USH2A: variants seen among roughly 807,000 people sequenced by gnomAD.
USH2A encodes the protein Usher syndrome 2A (autosomal recessive, mild).
In USH2A, 443 loss-of-function variants were observed where a neutral mutation model predicts 538.9. The ratio of observed to expected loss-of-function variants is 0.82; its 90% CI spans 0.76 to 0.89. USH2A has a LOEUF of 0.89. Ranked by LOEUF, USH2A falls within the 40% of genes least tolerant of loss-of-function variation. The pLI, the probability that USH2A is intolerant of heterozygous loss-of-function variation, is 0.00. For missense variants in USH2A, 6,633 were observed against 6,324.8 expected, an observed-to-expected ratio of 1.05 and a Z score of -1.65; for synonymous variants, 2,413 against 2,273.5, an observed-to-expected ratio of 1.06 and a Z score of -1.75.
At chr1:216,147,743 A>T (rs1328232655) in intron 21 of USH2A, among the ~76,000 whole-genome samples, 1 of 150,944 alleles carries the variant, frequency 6.6e-6, no homozygotes, top group Non-Finnish European at 1.5e-5. Flanking sequence ...CCACATCTCC[A>T]GCACACAAGA....
intron 46 of USH2A, 45 bp from the exon 47 acceptor site, chr1:215,838,148 A>C: frequency 6.9e-7 from 1 of 1,442,954 alleles, no homozygotes; most frequent in East Asian, 2.3e-5. Context: ...CATTTTTGAA[A>C]TACTTACTAA....
chr1:216,119,630 TA>T (rs1558268211), intron 21 of USH2A, among the ~76,000 whole-genome samples: 4 of 152,270 alleles, frequency 2.6e-5, no homozygotes, highest in Admixed American at 2.0e-4. Flanking sequence ...TATATTTTTT[TA>T]TTTTTTTCCA....
At chr1:215,633,446 G>A (rs1455333489) in intron 70 of USH2A, among the ~76,000 whole-genome samples, 1 of 152,172 alleles carries the variant, frequency 6.6e-6, no homozygotes, top group African/African-American at 2.4e-5. Context: ...ACTTAGGTCT[G>A]ATCCAGCTAT....
At chr1:216,132,795 G>T (rs1420296028) in intron 21 of USH2A, among the ~76,000 whole-genome samples, 1 of 152,012 alleles carries the variant, frequency 6.6e-6, no homozygotes, top group African/African-American at 2.4e-5. Context: ...CCTCTCTGGG[G>T]ACACATGACA....
At chr1:215,986,474 G>A (rs1053829587) in intron 35 of USH2A, among the ~76,000 whole-genome samples, 1 of 151,980 alleles carries the variant, frequency 6.6e-6, no homozygotes, top group Non-Finnish European at 1.5e-5. Context: ...TTATGCCCAT[G>A]TGGTTATTAA....
chr1:215,686,377 T>A (rs991004423), intron 61 of USH2A, among the ~76,000 whole-genome samples: 1 of 151,894 alleles, frequency 6.6e-6, no homozygotes, highest in Non-Finnish European at 1.5e-5. Context: ...TCAGGAAAGA[T>A]GTAGAATTTG....
chr1:216,075,522 C>T (rs1464592116), intron 27 of USH2A, among the ~76,000 whole-genome samples: 3 of 152,192 alleles, frequency 2.0e-5, no homozygotes, highest in Non-Finnish European at 4.4e-5. Context: ...GCCCAGAGCT[C>T]TAAGATGACT....
rs2037674436 is a variant in USH2A, at chr1:216,324,051, C to G, written c.1328+117G>C. ...ATTTAGGGATAAGACTTAGGAGAAT[C>G]TGCCTCAAGGAAGTTGGTGGTGAAG... On this transcript the variant is annotated intron_variant, in intron 7 of 71. Transcript: ENST00000307340. 51 of 1,136,008 alleles carry G rather than the reference C, an allele frequency of 4.5e-5. 1 individual carries two copies. The highest frequency in any genetic ancestry group is 6.4e-5 in the Non-Finnish European group (51 of 802,090). The allele number at this position is 1,136,008 out of a possible 1,614,324, so 70.4% of individuals were successfully genotyped here.
Position 215,836,561 on chromosome 1 carries a change from A to AT in USH2A, c.9371+1429dup, listed in dbSNP as rs1447368873. 1.8e-3 allele frequency among the ~76,000 whole-genome samples: 39 copies of AT among 21,926 alleles called. 2 individuals are homozygous for AT. The highest frequency in any genetic ancestry group is 6.4e-3 in the African/African-American group (37 of 5,772). The allele number at this position is 21,926 out of a possible 152,430, so 14.4% of individuals were successfully genotyped here. A position where few individuals can be genotyped will look rare whatever the true frequency, so the allele number is the denominator to read the frequency against. ...ATATATAATATATATATATATATAT[A>AT]TATATTTTTTTTTGAGACAGAGTAT... On this transcript the variant is annotated intron_variant, in intron 47 of 71. Transcript: ENST00000307340.
At position 215,707,133 on chromosome 1, in the gene USH2A, G is replaced by T. The variant is rs544339698; in HGVS notation, c.12066+20897C>A. 2.6e-5 allele frequency among the ~76,000 whole-genome samples: 4 copies of T among 152,292 alleles called. No individual in the cohort carries two copies. In the South Asian group the frequency reaches 8.3e-4, roughly 32 times the overall value. ...AAATTTTTCACAAAGGATAGAAAGT[G>T]TGCTGAGTTTGGCATTTTGAATGCA... is the stretch of plus-strand genomic sequence containing the variant. On this transcript the variant is annotated intron_variant, in intron 61 of 71. Coordinates refer to ENST00000307340, the MANE Select transcript of USH2A (RefSeq NM_206933.4).
intron 38 of USH2A, 84 bp from the exon 39 acceptor site, chr1:215,900,989 A>C: frequency 1.9e-6 from 3 of 1,549,100 alleles, no homozygotes; most frequent in Non-Finnish European, 2.7e-6. Context: ...CATATACTGG[A>C]AAAACTGTTC....
intron 38 of USH2A, among the ~76,000 whole-genome samples, chr1:215,920,137 C>T (rs1314382770): frequency 1.3e-5 from 2 of 151,986 alleles, no homozygotes; most frequent in Non-Finnish European, 2.9e-5. Flanking sequence ...CAGGAACAAC[C>T]CCCTGTTGTG....
intron 41 of USH2A, among the ~76,000 whole-genome samples, chr1:215,879,360 C>T (rs181795306): frequency 1.2e-4 from 19 of 152,292 alleles, no homozygotes; most frequent in African/African-American, 4.6e-4. Context: ...CACACCTTAG[C>T]GATTCATCGC....
In USH2A at chr1:216,422,521, A is replaced by G; in HGVS notation, c.-185T>C. 1 of 750,260 alleles carries G rather than the reference A, an allele frequency of 1.3e-6. No homozygotes were observed. The highest frequency in any genetic ancestry group is 1.8e-5 in the South Asian group (1 of 54,472). 46.5% of individuals were successfully genotyped at this position (750,260 alleles called of 1,614,324 possible). ...AACGACGTTCTTAGCAATGGCGAAG[A>G]CATGAGTAGCTGCTGGTATCTGGGA... On this transcript the variant is annotated 5_prime_UTR_variant, in exon 2 of 72. Transcript: ENST00000307340.
intron 55 of USH2A, among the ~76,000 whole-genome samples, chr1:215,773,831 A>G (rs1223462747): frequency 6.6e-6 from 1 of 152,124 alleles, no homozygotes; most frequent in Non-Finnish European, 1.5e-5. Flanking sequence ...TCAGCATTCT[A>G]CTTAGATCAA....
chr1:216,179,238 CTAAA>C (rs2034446253), intron 20 of USH2A, among the ~76,000 whole-genome samples: 1 of 151,990 alleles, frequency 6.6e-6, no homozygotes, highest in African/African-American at 2.4e-5. Flanking sequence ...GGAAACAAAA[CTAAA>C]CAAAAGGAAT....
chr1:215,998,563 A>G (rs929826011), intron 34 of USH2A, among the ~76,000 whole-genome samples: 3 of 152,130 alleles, frequency 2.0e-5, no homozygotes, highest in African/African-American at 7.2e-5. Context: ...TAACCTTATG[A>G]ATCCTAGCAC....
intron 38 of USH2A, among the ~76,000 whole-genome samples, chr1:215,918,292 A>G (rs1266014674): frequency 1.3e-5 from 2 of 152,090 alleles, no homozygotes; most frequent in East Asian, 3.9e-4. Flanking sequence ...TATAATTCTT[A>G]CGTTGAAATT....
rs1353704143 is a variant in USH2A at position 215,934,744 on chromosome 1, T to C, written c.7172A>G (p.Glu2391Gly). 7 of 1,612,738 alleles carry C rather than the reference T, an allele frequency of 4.3e-6. No homozygotes were observed. The highest frequency in any genetic ancestry group is 5.9e-6 in the Non-Finnish European group (7 of 1,179,150). The change falls in exon 38 of 72, where the codon GAA (glutamate) becomes GGA (glycine). Residue 2391 changes from glutamate (E) to glycine (G), a missense_variant. By Grantham distance (98) the Glu-to-Gly change is moderately conservative (BLOSUM62 -2). Coordinates refer to ENST00000307340, the MANE Select transcript of USH2A (RefSeq NM_206933.4). ...GATGAGCACCCAAAGGTTTGTCTCT[T>C]CTCCGCTGTACATGACTTTTGTGAC... The part of the protein sequence containing the change: ...LNVTKVMYSG[E>G]ETNLWVLIDG...
Sources: allele counts gnomAD v4.1 joint callset (sites outside exome capture counted in the v4.1 genomes callset), GRCh38; gene constraint gnomAD v4.1.1; transcripts MANE v1.5; gene names NCBI Gene and HGNC (gene_info 2026-07-23, HGNC 2026-07-21).